The following CSGALNACT1 variants were observed in gnomAD, a reference collection of about 807,000 sequenced individuals.
CSGALNACT1 encodes the protein beta4GalNAcT-1.
A neutral mutation model predicts 51.0 loss-of-function variants in CSGALNACT1; 52 were observed. The observed-to-expected ratio is 1.02, with a 90% CI of 0.82 to 1.29. The LOEUF (loss-of-function observed/expected upper bound fraction) is 1.29. CSGALNACT1 is among the 50% of genes most tolerant of loss of function. The pLI is 0.00. For synonymous variants in CSGALNACT1, 341 were observed against 254.4 expected (o/e 1.34, Z -3.24); for missense variants, 935 against 679.2 (o/e 1.38, Z -4.19).
chr8:19,466,490 T>G (rs919352832), intron 4 of CSGALNACT1, among the ~76,000 whole-genome samples: 7 of 152,224 alleles, frequency 4.6e-5, no homozygotes, highest in African/African-American at 1.4e-4. Context: ...ATGCTTAGTA[T>G]TTTACTCTAA....
At chr8:19,684,981 C>A (rs2060891441), upstream of CSGALNACT1, among the ~76,000 whole-genome samples, 1 of 152,218 alleles carries the variant, frequency 6.6e-6, no homozygotes, top group African/African-American at 2.4e-5. Flanking sequence ...TAACAGCACT[C>A]ACAGATTTTG....
intron 8 of CSGALNACT1, among the ~76,000 whole-genome samples, chr8:19,414,618 A>G (rs1219027601): frequency 6.6e-6 from 1 of 150,732 alleles, no homozygotes; most frequent in Non-Finnish European, 1.5e-5. Flanking sequence ...CACACACACT[A>G]TCATAAATGT....
chr8:19,686,888 T>C (rs1325674235), upstream of CSGALNACT1, among the ~76,000 whole-genome samples: 2 of 152,108 alleles, frequency 1.3e-5, no homozygotes, highest in Non-Finnish European at 1.5e-5. Flanking sequence ...GTGGGGCACA[T>C]CTCTCTCTCC....
intron 3 of CSGALNACT1, among the ~76,000 whole-genome samples, chr8:19,576,123 C>G (rs928120687): frequency 6.6e-6 from 1 of 152,026 alleles, no homozygotes; most frequent in African/African-American, 2.4e-5. Context: ...GATGATAGAG[C>G]CCAGAGAGGC....
intron 3 of CSGALNACT1, among the ~76,000 whole-genome samples, chr8:19,556,680 T>C (rs781272523): frequency 9.3e-4 from 142 of 152,262 alleles, no homozygotes; most frequent in Middle Eastern, 3.4e-3. Flanking sequence ...CAAGCTATAA[T>C]AGATTCTCCT....
intron 1 of CSGALNACT1, among the ~76,000 whole-genome samples, chr8:19,689,722 A>T (rs903037218): frequency 1.3e-5 from 2 of 152,252 alleles, no homozygotes; most frequent in Non-Finnish European, 2.9e-5. Flanking sequence ...AAAGTTCCAC[A>T]TCACCAAACC....
chr8:19,632,362 C>T (rs897948037), intron 1 of CSGALNACT1, among the ~76,000 whole-genome samples: 3 of 152,278 alleles, frequency 2.0e-5, no homozygotes, highest in African/African-American at 7.2e-5. Flanking sequence ...TCTCAACTAT[C>T]TATCTGCCGT....
intron 8 of CSGALNACT1, among the ~76,000 whole-genome samples, chr8:19,414,753 G>C (rs1301961691): frequency 6.6e-6 from 1 of 152,132 alleles, no homozygotes; most frequent in Non-Finnish European, 1.5e-5. Flanking sequence ...ATTGTCTTTT[G>C]TTTGCAAAAC....
chr8:19,615,009 C>T (rs949224912), intron 1 of CSGALNACT1, among the ~76,000 whole-genome samples: 1 of 152,184 alleles, frequency 6.6e-6, no homozygotes, highest in Admixed American at 6.5e-5. Flanking sequence ...AAGAAATGCT[C>T]AACAAACTGA....
At chr8:19,631,274 G>A (rs1392650410) in intron 1 of CSGALNACT1, among the ~76,000 whole-genome samples, 1 of 151,894 alleles carries the variant, frequency 6.6e-6, no homozygotes, top group Non-Finnish European at 1.5e-5. Context: ...AAAAAAAACT[G>A]CCAAACTGTC....
chr8:19,453,347 T>G (rs2063526119), intron 5 of CSGALNACT1, among the ~76,000 whole-genome samples: 1 of 152,068 alleles, frequency 6.6e-6, no homozygotes, highest in African/African-American at 2.4e-5. Flanking sequence ...AGTAATGCAT[T>G]AGAAATAGGA....
At chr8:19,607,009 G>A (rs2051474914), upstream of CSGALNACT1, among the ~76,000 whole-genome samples, 1 of 152,090 alleles carries the variant, frequency 6.6e-6, no homozygotes, top group Non-Finnish European at 1.5e-5. Flanking sequence ...CAAAAAATTA[G>A]CCGGGCATGG....
At chr8:19,419,526 A>C (rs1328917989) in intron 7 of CSGALNACT1, among the ~76,000 whole-genome samples, 1 of 152,238 alleles carries the variant, frequency 6.6e-6, no homozygotes, top group African/African-American at 2.4e-5. Flanking sequence ...GCCAGTGTTC[A>C]TCAGCTCAAT....
intron 3 of CSGALNACT1, among the ~76,000 whole-genome samples, chr8:19,548,412 T>C (rs557953772): frequency 2.6e-5 from 4 of 152,328 alleles, no homozygotes; most frequent in African/African-American, 4.8e-5. Context: ...AAATAGATTA[T>C]TTTTCAATAT....
intron 1 of CSGALNACT1, among the ~76,000 whole-genome samples, chr8:19,617,596 C>T (rs1156322812): frequency 2.0e-5 from 3 of 152,124 alleles, no homozygotes; most frequent in Non-Finnish European, 4.4e-5. Flanking sequence ...CAGAGATATA[C>T]ATTTACCACT....
chr8:19,464,515 G>A (rs1027607853), intron 4 of CSGALNACT1, among the ~76,000 whole-genome samples: 2 of 152,054 alleles, frequency 1.3e-5, no homozygotes, highest in Admixed American at 6.6e-5. Flanking sequence ...TTTATATTAA[G>A]CACATATAAC....
intron 4 of CSGALNACT1, chr8:19,495,339 C>T (rs1341921768): frequency 6.6e-6 from 1 of 152,208 alleles, no homozygotes; most frequent in Non-Finnish European, 1.5e-5. Flanking sequence ...TTGTAAGTTA[C>T]TCAGAAAGCA....
chr8:19,418,632 G>A (rs1241742309), intron 8 of CSGALNACT1, 24 bp downstream of exon 7: 10 of 1,489,436 alleles, frequency 6.7e-6, no homozygotes, highest in Non-Finnish European at 9.4e-6. Context: ...GCCACACAGA[G>A]CCATCTGCAG....
chr8:19,416,914 G>A (rs537979110), intron 8 of CSGALNACT1, among the ~76,000 whole-genome samples: 4 of 151,854 alleles, frequency 2.6e-5, no homozygotes, highest in Non-Finnish European at 5.9e-5. Flanking sequence ...CCAGGATGGA[G>A]TGCAGTGGTG....
Sources: gnomAD v4.1 joint callset for allele counts (sites outside exome capture counted in the v4.1 genomes callset) on GRCh38, gnomAD v4.1.1 for gene constraint, MANE v1.5 for transcripts, NCBI Gene and HGNC (gene_info 2026-07-23, HGNC 2026-07-21) for gene names.